Variants in ZNRF1 observed in about 807,000 individuals in gnomAD.
ZNRF1 encodes zinc and ring finger 1, also known as E3 ubiquitin-protein ligase ZNRF1.
ZNRF1 carries 3 observed loss-of-function variants against 18.4 expected under a neutral mutation model. That is an observed-to-expected ratio of 0.16 (90% confidence interval 0.07 to 0.42). ZNRF1 has a LOEUF of 0.42. Ranked by LOEUF, ZNRF1 falls within the 10% of genes least tolerant of loss-of-function variation. ZNRF1 has a pLI of 0.99. For synonymous variants in ZNRF1, 157 were observed against 144.2 expected, an observed-to-expected ratio of 1.09 and a Z score of -0.64; for missense variants, 310 against 329.8, an observed-to-expected ratio of 0.94 and a Z score of 0.47.
Position 75,094,723 on chromosome 16 carries a change from C to T in ZNRF1, c.520+1056C>T, listed in dbSNP as rs145401411. ...TTTCCAGAGCCCACAGACTTCTCCT[C>T]AGTGCTGCTCAGCCCACGCCACTGC... is the stretch of plus-strand genomic sequence containing the variant. On this transcript the variant is annotated intron_variant, in intron 2 of 4. Coordinates refer to ENST00000335325, the MANE Select transcript of ZNRF1 (RefSeq NM_032268.5). Among the ~76,000 whole-genome samples, 35 of 152,316 alleles carry T rather than the reference C, an allele frequency of 2.3e-4. No individual in the cohort carries two copies. In the East Asian group the frequency reaches 5.2e-3, roughly 23 times the overall value.
At chr16:75,101,109 T>C (rs2036249796) in intron 2 of ZNRF1, among the ~76,000 whole-genome samples, 1 of 152,108 alleles carries the variant, frequency 6.6e-6, no homozygotes, top group East Asian at 1.9e-4. Context: ...AACTTTTGGT[T>C]TTTTAATAGA....
At position 74,999,694 on chromosome 16, in the gene ZNRF1, C is replaced by T; in HGVS notation, c.23C>T (p.Ala8Val). ...AGCATGGGGGGCAAGCAGAGCACGG[C>T]GGCCCGCTCCCGGGGCCCCTTCCCG... MGGKQST[A>V]ARSRGPFPGV... Residue 8 changes from alanine (A) to valine (V), a missense_variant, in exon 1 of 5, where the codon GCG (alanine) becomes GTG (valine). Around this residue, in one of 2 missense-constraint regions of ZNRF1, gnomAD observed 293 missense variants for 291.2 expected, o/e 1.01. Transcript: ENST00000335325. 7.3e-7 allele frequency: 1 copy of T among 1,361,024 alleles called. No homozygotes were observed. The highest frequency in any genetic ancestry group is 9.4e-7 in the Non-Finnish European group (1 of 1,063,260). The allele number at this position is 1,361,024 out of a possible 1,614,324, so 84.3% of individuals were successfully genotyped here.
chr16:75,021,920 A>G (rs765724490), intron 1 of ZNRF1, among the ~76,000 whole-genome samples: 2 of 151,920 alleles, frequency 1.3e-5, no homozygotes, highest in African/African-American at 2.4e-5. Context: ...ATTCTTTCCC[A>G]TCCCTCCTTT....
intron 1 of ZNRF1, among the ~76,000 whole-genome samples, chr16:75,026,711 A>C (rs1043604740): frequency 2.0e-5 from 3 of 151,088 alleles, no homozygotes; most frequent in Non-Finnish European, 3.0e-5. Flanking sequence ...AGAGGCAGGC[A>C]GATTACTTGA....
At chr16:75,080,797 C>T (rs2036001226) in intron 1 of ZNRF1, among the ~76,000 whole-genome samples, 1 of 152,096 alleles carries the variant, frequency 6.6e-6, no homozygotes, top group South Asian at 2.1e-4. Flanking sequence ...TTGCTTGAGC[C>T]TGGGAGGTGG....
chr16:75,023,706 CAAAA>C (rs543649185), intron 1 of ZNRF1, among the ~76,000 whole-genome samples: 1 of 140,460 alleles, frequency 7.1e-6, no homozygotes, highest in African/African-American at 2.5e-5. Context: ...ACAAAAAAAA[CAAAA>C]AAAAAGGTCA....
At chr16:75,058,954 G>A (rs976536243) in intron 1 of ZNRF1, among the ~76,000 whole-genome samples, 2 of 152,104 alleles carry the variant, frequency 1.3e-5, no homozygotes, top group African/African-American at 2.4e-5. Flanking sequence ...GCTGCTACCC[G>A]CCAGGCTTTT....
At chr16:75,033,842 C>T (rs1263412786) in intron 1 of ZNRF1, among the ~76,000 whole-genome samples, 1 of 152,142 alleles carries the variant, frequency 6.6e-6, no homozygotes, top group Non-Finnish European at 1.5e-5. Flanking sequence ...TGACAAAATA[C>T]ACTTAGCATA....
At chr16:75,029,418 G>A (rs2035270707) in intron 1 of ZNRF1, among the ~76,000 whole-genome samples, 1 of 152,070 alleles carries the variant, frequency 6.6e-6, no homozygotes. Flanking sequence ...AAAGTGCTGG[G>A]ATTACAGGCA....
chr16:75,053,589 CAAAAAAA>C (rs56775288), intron 1 of ZNRF1, among the ~76,000 whole-genome samples: 10 of 71,624 alleles, frequency 1.4e-4, no homozygotes, highest in South Asian at 4.6e-4. Context: ...GACTCCATCT[CAAAAAAA>C]AAAAAAAAAA....
At chr16:75,006,135 C>T (rs1397114337) in intron 1 of ZNRF1, among the ~76,000 whole-genome samples, 2 of 152,056 alleles carry the variant, frequency 1.3e-5, no homozygotes, top group East Asian at 1.9e-4. Context: ...TAGGGTGGTG[C>T]GTCATGGTAT....
chr16:75,060,774 G>A (rs958162736), intron 1 of ZNRF1, among the ~76,000 whole-genome samples: 1 of 152,060 alleles, frequency 6.6e-6, no homozygotes, highest in Non-Finnish European at 1.5e-5. Flanking sequence ...CACCGCGCCC[G>A]GCCAGAAACT....
rs752951427 is a variant in ZNRF1 at position 75,070,056 on chromosome 16, A to G, written c.425-23516A>G. On this transcript the variant is annotated intron_variant, in intron 1 of 4. Coordinates refer to ENST00000335325, the MANE Select transcript of ZNRF1 (RefSeq NM_032268.5). ...AACCCTTTAAAAATCCTTTTAATCC[A>G]TACACTTTCTGCCAGAGCCAGGCAG... Among the ~76,000 whole-genome samples the G allele has an allele frequency of 1.4e-4, 22 of 152,322 alleles. No homozygotes were observed. In the South Asian group the frequency reaches 1.7e-3, roughly 11 times the overall value.
At position 75,053,641 on chromosome 16, in the gene ZNRF1, A is replaced by AG. The variant is rs1491477752; in HGVS notation, c.425-39927dup. Among the ~76,000 whole-genome samples the AG allele has an allele frequency of 8.6e-5, 13 of 151,630 alleles. No homozygotes were observed. The East Asian group carries it at 2.5e-3, about 29-fold the overall frequency. ...CCAATGTCCAGTGGCTGTCACTATC[A>AG]GGGGCTATTTGTGAGCTTCCCTAAT... On this transcript the variant is annotated intron_variant, in intron 1 of 4. Coordinates refer to ENST00000335325, the MANE Select transcript of ZNRF1 (RefSeq NM_032268.5).
intron 1 of ZNRF1, among the ~76,000 whole-genome samples, chr16:75,036,103 T>C (rs1236438196): frequency 6.6e-6 from 1 of 152,164 alleles, no homozygotes; most frequent in African/African-American, 2.4e-5. Context: ...TCTCCTCCTC[T>C]GCTCATGTTT....
chr16:75,031,170 TG>T (rs1388770252), intron 1 of ZNRF1, among the ~76,000 whole-genome samples: 1 of 148,578 alleles, frequency 6.7e-6, no homozygotes, highest in Non-Finnish European at 1.5e-5. Context: ...CTTGCTCTGT[TG>T]CCCAGGCTGG....
intron 1 of ZNRF1, among the ~76,000 whole-genome samples, chr16:75,090,826 C>G (rs2036128790): frequency 6.6e-6 from 1 of 152,190 alleles, no homozygotes; most frequent in South Asian, 2.1e-4. Context: ...GTGGTTGCGT[C>G]AGTTAGCCTC....
At chr16:75,055,925 A>G (rs1597884411) in intron 1 of ZNRF1, among the ~76,000 whole-genome samples, 2 of 152,306 alleles carry the variant, frequency 1.3e-5, no homozygotes, top group Middle Eastern at 3.4e-3. Flanking sequence ...CTGTTCCAGT[A>G]TTTCCTCGAT....
At position 74,999,748 on chromosome 16, in the gene ZNRF1, C is replaced by T; in HGVS notation, c.77C>T (p.Pro26Leu). The change falls in exon 1 of 5, where the codon CCG (proline) becomes CTG (leucine). Residue 26 changes from proline to leucine, a missense_variant. By Grantham distance (98) the Pro-to-Leu change is moderately conservative. This residue lies in a region of ZNRF1 where 293 missense variants were observed against 291.2 expected (regional missense o/e 1.01). Coordinates refer to ENST00000335325, the MANE Select transcript of ZNRF1 (RefSeq NM_032268.5). ...PGVSTDDSAVPPPGGAPHFGH... is the reference protein window; with the variant it reads ...PGVSTDDSAVLPPGGAPHFGH... The stretch of plus-strand genomic sequence containing the variant: ...GTCTCCACCGATGACAGCGCCGTGC[C>T]GCCGCCGGGAGGGGCGCCCCATTTC... 1.4e-6 allele frequency: 2 copies of T among 1,392,062 alleles called. No homozygotes were observed. The highest frequency in any genetic ancestry group is 9.3e-7 in the Non-Finnish European group (1 of 1,079,668). The allele number at this position is 1,392,062 out of a possible 1,614,324, so 86.2% of individuals were successfully genotyped here. A position where few individuals can be genotyped will look rare whatever the true frequency, so the allele number is the denominator to read the frequency against.
Sources: gnomAD v4.1 joint callset for allele counts (sites outside exome capture counted in the v4.1 genomes callset) on GRCh38, gnomAD v4.1.1 for gene constraint, gnomAD v4.1.1 regional missense constraint, MANE v1.5 for transcripts, NCBI Gene and HGNC (gene_info 2026-07-23, HGNC 2026-07-21) for gene names.